The following PTPRT variants were observed in gnomAD, a reference collection of about 807,000 sequenced individuals.
PTPRT encodes receptor-type tyrosine-protein phosphatase T.
In PTPRT, 56 loss-of-function variants were observed where a neutral mutation model predicts 176.8. The ratio of observed to expected loss-of-function variants is 0.32; its 90% CI spans 0.26 to 0.40. PTPRT has a LOEUF of 0.40. Ranked by LOEUF, PTPRT falls within the 10% of genes least tolerant of loss-of-function variation. The pLI, the probability that PTPRT is intolerant of heterozygous loss-of-function variation, is 1.00. For synonymous variants in PTPRT, 783 were observed against 739.0 expected (o/e 1.06, Z -0.96); for missense variants, 1,540 against 1,908.2 (o/e 0.81, Z 3.60).
chr20:43,167,351 A>C (rs2014883450), intron 1 of PTPRT, among the ~76,000 whole-genome samples: 1 of 152,208 alleles, frequency 6.6e-6, no homozygotes, highest in Non-Finnish European at 1.5e-5. Context: ...TTCATCTCCC[A>C]ATTTCAGTCT....
At chr20:43,133,918 T>C (rs1600736576) in intron 1 of PTPRT, among the ~76,000 whole-genome samples, 3 of 152,134 alleles carry the variant, frequency 2.0e-5, no homozygotes, top group Admixed American at 2.0e-4. Context: ...TCCCAGGTGA[T>C]AGGTGATAAT....
At chr20:42,050,353 C>A in the PTPRT span, among the ~76,000 whole-genome samples, 2 of 152,098 alleles carry the variant, frequency 1.3e-5, no homozygotes, top group Non-Finnish European at 2.9e-5. Flanking sequence ...TACAGAGATA[C>A]CCCCATTTTC....
intron 1 of PTPRT, among the ~76,000 whole-genome samples, chr20:43,029,011 G>A (rs1986031158): frequency 6.6e-6 from 1 of 152,136 alleles, no homozygotes; most frequent in African/African-American, 2.4e-5. Context: ...TCAAGTCAGG[G>A]CAGGAAAAGA....
At chr20:42,204,841 G>A (rs1033990303) in intron 15 of PTPRT, among the ~76,000 whole-genome samples, 14 of 152,208 alleles carry the variant, frequency 9.2e-5, no homozygotes, top group Admixed American at 3.9e-4. Context: ...GGAGGAGTGC[G>A]TGAAACATCC....
At chr20:42,342,049 C>A (rs2058119427) in intron 11 of PTPRT, among the ~76,000 whole-genome samples, 1 of 152,152 alleles carries the variant, frequency 6.6e-6, no homozygotes, top group Admixed American at 6.5e-5. Context: ...TGAATGCAAA[C>A]CCACCTACAT....
the PTPRT span, among the ~76,000 whole-genome samples, chr20:42,050,044 T>C: frequency 6.6e-6 from 1 of 152,206 alleles, no homozygotes; most frequent in African/African-American, 2.4e-5. Flanking sequence ...CCAGGGCTCT[T>C]CCACAAATAT....
rs770304862 is a variant in PTPRT at position 42,075,380 on chromosome 20, C to T, written c.*5499G>A. The T allele has an allele frequency of 4.4e-6, 1 of 228,552 alleles. No homozygotes were observed. 14.2% of individuals were successfully genotyped at this position (228,552 alleles called of 1,614,324 possible). A position where few individuals can be genotyped will look rare whatever the true frequency, so the allele number is the denominator to read the frequency against. Reference sequence around the variant, plus strand: ...GTTGACCATTTTTTTCCCTGGGGATCCTGGCCCAGCACAACCTGTTGACAT... The same window carrying T: ...GTTGACCATTTTTTTCCCTGGGGATTCTGGCCCAGCACAACCTGTTGACAT... On this transcript the variant is annotated 3_prime_UTR_variant, in exon 31 of 31. Transcript: ENST00000373187.
chr20:42,980,706 C>T (rs1218590085), intron 1 of PTPRT, among the ~76,000 whole-genome samples: 1 of 152,140 alleles, frequency 6.6e-6, no homozygotes, highest in Admixed American at 6.5e-5. Flanking sequence ...CATTCCTTCC[C>T]CTTGGTTTGA....
chr20:42,515,796 C>T (rs916812748), intron 7 of PTPRT, among the ~76,000 whole-genome samples: 2 of 151,686 alleles, frequency 1.3e-5, no homozygotes, highest in African/African-American at 2.4e-5. Flanking sequence ...TATAAAGACA[C>T]ATGCACACGT....
At chr20:42,402,608 A>G (rs1388468146) in intron 9 of PTPRT, among the ~76,000 whole-genome samples, 3 of 152,150 alleles carry the variant, frequency 2.0e-5, no homozygotes, top group Non-Finnish European at 4.4e-5. Context: ...CGGCATTTAC[A>G]AGACAGAGAG....
intron 9 of PTPRT, among the ~76,000 whole-genome samples, chr20:42,366,278 T>G (rs7353713): frequency 2.0e-5 from 3 of 152,296 alleles, no homozygotes; most frequent in Non-Finnish European, 4.4e-5. Context: ...GGCAGATGGG[T>G]GGTGCCCAGG....
At chr20:43,012,165 A>G (rs1262559197) in intron 1 of PTPRT, among the ~76,000 whole-genome samples, 2 of 152,152 alleles carry the variant, frequency 1.3e-5, no homozygotes, top group East Asian at 3.9e-4. Context: ...ACTCCCCATT[A>G]TATATACATC....
chr20:42,294,551 T>C (rs1600794901), intron 12 of PTPRT, among the ~76,000 whole-genome samples: 3 of 151,942 alleles, frequency 2.0e-5, no homozygotes, highest in Non-Finnish European at 2.9e-5. Flanking sequence ...GAACAAACTG[T>C]TTCTGAACTG....
intron 7 of PTPRT, among the ~76,000 whole-genome samples, chr20:42,603,438 G>C (rs905421316): frequency 2.0e-5 from 3 of 152,146 alleles, no homozygotes; most frequent in Non-Finnish European, 4.4e-5. Flanking sequence ...AAAACTTAGA[G>C]GGTTCTAGGA....
intron 9 of PTPRT, among the ~76,000 whole-genome samples, chr20:42,359,197 A>C (rs1196019777): frequency 6.6e-6 from 1 of 152,192 alleles, no homozygotes; most frequent in Non-Finnish European, 1.5e-5. Context: ...AGTTTGGAGA[A>C]ACACTTTCTC....
chr20:42,059,273 A>G, the PTPRT span, among the ~76,000 whole-genome samples: 880 of 152,254 alleles, frequency 5.8e-3, 10 homozygotes, highest in Middle Eastern at 0.054. Context: ...TGTGGATGAA[A>G]TAACATAAAG....
At chr20:42,391,695 C>A (rs1050878295) in intron 9 of PTPRT, among the ~76,000 whole-genome samples, 4 of 152,144 alleles carry the variant, frequency 2.6e-5, no homozygotes, top group African/African-American at 9.7e-5. Context: ...CCACTAGCCA[C>A]AATGGTGAAA....
chr20:43,126,766 G>A (rs776108665), intron 1 of PTPRT, among the ~76,000 whole-genome samples: 24 of 152,160 alleles, frequency 1.6e-4, no homozygotes, highest in Non-Finnish European at 2.2e-4. Context: ...CTCAGGAGAC[G>A]AGGCCACCTT....
At chr20:42,516,201 A>G (rs1022206538) in intron 7 of PTPRT, among the ~76,000 whole-genome samples, 1 of 151,536 alleles carries the variant, frequency 6.6e-6, no homozygotes, top group Non-Finnish European at 1.5e-5. Context: ...ACATGTATAC[A>G]TATGTAACTA....
Sources: allele counts gnomAD v4.1 joint callset (sites outside exome capture counted in the v4.1 genomes callset), GRCh38; gene constraint gnomAD v4.1.1; transcripts MANE v1.5; gene names NCBI Gene and HGNC (gene_info 2026-07-23, HGNC 2026-07-21).